Variants in OSTF1 observed in about 807,000 individuals in gnomAD.
OSTF1 encodes osteoclast-stimulating factor 1.
In OSTF1, 27 loss-of-function variants were observed where a neutral mutation model predicts 37.2. The observed-to-expected ratio is 0.73, with a 90% CI of 0.54 to 1.00. The LOEUF is 1.00. Ranked by LOEUF, OSTF1 falls within the 50% of genes least tolerant of loss-of-function variation. The pLI, the probability that OSTF1 is intolerant of heterozygous loss-of-function variation, is 0.00. For synonymous variants in OSTF1, 82 were observed against 89.2 expected, an observed-to-expected ratio of 0.92 and a Z score of 0.46; for missense variants, 232 against 253.8, an observed-to-expected ratio of 0.91 and a Z score of 0.58.
intron 9 of OSTF1, 40 bp from the exon 10 acceptor site, chr9:75,146,643 A>C: frequency 7.2e-7 from 1 of 1,397,326 alleles, no homozygotes; most frequent in Non-Finnish European, 1.0e-6. Flanking sequence ...AGCAGTTTAT[A>C]ATTTCCCTAT....
intron 1 of OSTF1, among the ~76,000 whole-genome samples, chr9:75,098,414 T>C (rs1050762057): frequency 4.6e-5 from 7 of 152,202 alleles, no homozygotes; most frequent in Non-Finnish European, 1.0e-4. Flanking sequence ...TCTCGCTACA[T>C]AGGGCAGAAT....
Position 75,137,630 on chromosome 9 carries a change from T to A in OSTF1, c.487+14T>A. 6.5e-7 allele frequency: 1 copy of A among 1,541,830 alleles called. No homozygotes were observed. Among genetic ancestry groups the A allele is most frequent in the Non-Finnish European group, 9.0e-7 (1 of 1,113,928 alleles). ...TTCTGGCAAAAGGTAAAGTTTGTGC[T>A]GAGTTTATCTGGTCTTTGCTTGCCC... On this transcript the variant is annotated intron_variant, in intron 8 of 9. Coordinates refer to ENST00000346234, the MANE Select transcript of OSTF1 (RefSeq NM_012383.5).
chr9:75,108,321 A>G (rs1019339720), intron 1 of OSTF1, among the ~76,000 whole-genome samples: 22 of 146,402 alleles, frequency 1.5e-4, no homozygotes, highest in Middle Eastern at 3.3e-3. Flanking sequence ...TGTAACAGTT[A>G]CAATGTGTGC....
intron 1 of OSTF1, among the ~76,000 whole-genome samples, chr9:75,111,014 C>T (rs760107493): frequency 1.3e-5 from 2 of 152,056 alleles, no homozygotes; most frequent in Admixed American, 6.6e-5. Flanking sequence ...CCACCGTGCC[C>T]GGCCCCAATC....
intron 7 of OSTF1, 124 bp downstream of exon 7, chr9:75,134,519 A>G: frequency 1.7e-6 from 1 of 575,126 alleles, no homozygotes; most frequent in Admixed American, 3.8e-5. Context: ...AAAAATTATA[A>G]TTGTACTAAA....
At chr9:75,137,637 A>G in intron 8 of OSTF1, 21 bp downstream of exon 8, 1 of 1,520,752 alleles carries the variant, frequency 6.6e-7, no homozygotes, top group Non-Finnish European at 9.1e-7. Context: ...TGCTGAGTTT[A>G]TCTGGTCTTT....
At chr9:75,120,480 T>C (rs943053965) in intron 2 of OSTF1, among the ~76,000 whole-genome samples, 3 of 152,112 alleles carry the variant, frequency 2.0e-5, no homozygotes, top group African/African-American at 7.2e-5. Flanking sequence ...CTCTGCTGCC[T>C]CCTCGAATCT....
intron 1 of OSTF1, among the ~76,000 whole-genome samples, chr9:75,111,879 A>G (rs973346552): frequency 5.7e-5 from 7 of 122,748 alleles, no homozygotes; most frequent in African/African-American, 2.2e-4. Flanking sequence ...GTTGGAGTAC[A>G]ATGGTGTGAT....
intron 9 of OSTF1, among the ~76,000 whole-genome samples, chr9:75,146,090 A>T (rs571347427): frequency 2.6e-5 from 4 of 152,326 alleles, no homozygotes; most frequent in South Asian, 4.1e-4. Context: ...TTGACTAGAC[A>T]GTTGAAGGGG....
At chr9:75,130,119 C>T (rs920960781) in intron 3 of OSTF1, among the ~76,000 whole-genome samples, 2 of 152,060 alleles carry the variant, frequency 1.3e-5, no homozygotes, top group Non-Finnish European at 2.9e-5. Context: ...TATATATGGT[C>T]ATTACATTGT....
Position 75,146,876 on chromosome 9 carries a change from GA to G in OSTF1, c.*137del. ...GGCAGTGTTGCACTGTGTTTGAGTAGAACGTGTAAATGAATTGTTCCCACCT... is the reference window on the plus strand; with the variant it reads ...GGCAGTGTTGCACTGTGTTTGAGTAGACGTGTAAATGAATTGTTCCCACCT... On this transcript the variant is annotated 3_prime_UTR_variant, in exon 10 of 10. Transcript: ENST00000346234. 1 of 585,670 alleles carries G rather than the reference GA, an allele frequency of 1.7e-6. No homozygotes were observed. Among genetic ancestry groups the G allele is most frequent in the East Asian group, 3.2e-5 (1 of 31,590 alleles). The allele number at this position is 585,670 out of a possible 1,614,324, so 36.3% of individuals were successfully genotyped here.
At chr9:75,102,698 T>C (rs763801875) in intron 1 of OSTF1, among the ~76,000 whole-genome samples, 2 of 152,216 alleles carry the variant, frequency 1.3e-5, no homozygotes, top group Non-Finnish European at 2.9e-5. Context: ...CTCTTTATTC[T>C]GGGGCTGCCT....
intron 1 of OSTF1, among the ~76,000 whole-genome samples, chr9:75,108,919 C>T (rs978116192): frequency 6.6e-6 from 1 of 152,080 alleles, no homozygotes; most frequent in East Asian, 1.9e-4. Flanking sequence ...CAAGGAATTA[C>T]CATTTCTGCC....
intron 7 of OSTF1, among the ~76,000 whole-genome samples, chr9:75,135,251 G>A (rs1446918802): frequency 2.0e-5 from 3 of 152,190 alleles, no homozygotes; most frequent in African/African-American, 7.2e-5. Context: ...GAATTTTGAA[G>A]GCATGGCTCT....
chr9:75,101,244 G>A (rs1186512802), intron 1 of OSTF1, among the ~76,000 whole-genome samples: 1 of 152,146 alleles, frequency 6.6e-6, no homozygotes, highest in Non-Finnish European at 1.5e-5. Flanking sequence ...GGTCAGGTAG[G>A]TCAGGGCGTC....
chr9:75,106,749 A>T (rs1487562408), intron 1 of OSTF1, among the ~76,000 whole-genome samples: 1 of 147,634 alleles, frequency 6.8e-6, no homozygotes, highest in Admixed American at 6.8e-5. Context: ...AGGTCAAGAG[A>T]TCAAGACCAT....
intron 1 of OSTF1, among the ~76,000 whole-genome samples, chr9:75,089,164 C>T (rs1218766346): frequency 2.0e-5 from 3 of 151,938 alleles, no homozygotes; most frequent in African/African-American, 7.3e-5. Context: ...ACGGGAAGTG[C>T]AATCCCTGCA....
At chr9:75,100,042 C>T (rs1825162337) in intron 1 of OSTF1, among the ~76,000 whole-genome samples, 1 of 152,184 alleles carries the variant, frequency 6.6e-6, no homozygotes, top group Non-Finnish European at 1.5e-5. Context: ...TAAAGAACTA[C>T]AATTTGTTAG....
chr9:75,127,454 A>G, intron 2 of OSTF1, 115 bp from the exon 3 acceptor site: 1 of 558,220 alleles, frequency 1.8e-6, no homozygotes, highest in Non-Finnish European at 3.2e-6. Flanking sequence ...TTATGTGCTG[A>G]TTTAAGTGTA....
Sources: gnomAD v4.1 joint callset for allele counts (sites outside exome capture counted in the v4.1 genomes callset) on GRCh38, gnomAD v4.1.1 for gene constraint, MANE v1.5 for transcripts, NCBI Gene and HGNC (gene_info 2026-07-23, HGNC 2026-07-21) for gene names.